SLC44A5: variants seen among roughly 807,000 people sequenced by gnomAD.
SLC44A5 encodes the protein solute carrier family 44 member 5.
In SLC44A5, 57 loss-of-function variants were observed where a neutral mutation model predicts 101.8. That is an observed-to-expected ratio of 0.56 (90% CI 0.45 to 0.70). SLC44A5 has a LOEUF of 0.70. SLC44A5 is among the 30% of genes least tolerant of loss of function. SLC44A5 has a pLI of 0.00. For synonymous variants in SLC44A5, 281 were observed against 290.9 expected (o/e 0.97, Z 0.35); for missense variants, 737 against 853.1 (o/e 0.86, Z 1.70).
chr1:75,476,614 C>T (rs932273555), intron 2 of SLC44A5, among the ~76,000 whole-genome samples: 20 of 152,360 alleles, frequency 1.3e-4, no homozygotes, highest in African/African-American at 4.1e-4. Context: ...ACACCTGGCT[C>T]GGAGGGTCCT....
At chr1:75,475,017 T>G (rs555304083) in intron 2 of SLC44A5, among the ~76,000 whole-genome samples, 1 of 152,242 alleles carries the variant, frequency 6.6e-6, no homozygotes, top group Non-Finnish European at 1.5e-5. Context: ...AAAATCGTTG[T>G]GTGTCGCCCC....
intron 5 of SLC44A5, among the ~76,000 whole-genome samples, chr1:75,275,572 T>C (rs1448317060): frequency 6.6e-6 from 1 of 152,158 alleles, no homozygotes; most frequent in Non-Finnish European, 1.5e-5. Flanking sequence ...AGAGGCAATA[T>C]GTAATAAAGA....
intron 3 of SLC44A5, among the ~76,000 whole-genome samples, chr1:75,353,797 T>A (rs1658865120): frequency 6.6e-6 from 1 of 152,226 alleles, no homozygotes; most frequent in Admixed American, 6.5e-5. Context: ...GCAGGATTAA[T>A]ATGTACACTT....
intron 2 of SLC44A5, among the ~76,000 whole-genome samples, chr1:75,495,168 A>G (rs933297533): frequency 1.3e-5 from 2 of 152,150 alleles, no homozygotes; most frequent in Non-Finnish European, 2.9e-5. Flanking sequence ...AAAAATAACC[A>G]TCATAGGCCA....
chr1:75,358,091 A>G (rs1659216299), intron 3 of SLC44A5, among the ~76,000 whole-genome samples: 1 of 152,116 alleles, frequency 6.6e-6, no homozygotes, highest in Non-Finnish European at 1.5e-5. Flanking sequence ...TACATTAGCT[A>G]CTTTATTTCC....
chr1:75,314,648 T>A (rs1270983282), intron 4 of SLC44A5, among the ~76,000 whole-genome samples: 1 of 152,150 alleles, frequency 6.6e-6, no homozygotes, highest in African/African-American at 2.4e-5. Flanking sequence ...TGCAAGTATT[T>A]AGAATGGTAA....
At chr1:75,463,099 A>G (rs1024111389) in intron 2 of SLC44A5, among the ~76,000 whole-genome samples, 2 of 152,176 alleles carry the variant, frequency 1.3e-5, no homozygotes, top group Admixed American at 1.3e-4. Flanking sequence ...GCATTTAACA[A>G]TCAAATTCCC....
At chr1:75,412,073 T>A (rs1180597350) in intron 2 of SLC44A5, among the ~76,000 whole-genome samples, 4 of 152,176 alleles carry the variant, frequency 2.6e-5, no homozygotes. Context: ...CAGTAGAATT[T>A]GATGAGGAAA....
chr1:75,532,861 A>G (rs1041678506), intron 2 of SLC44A5, among the ~76,000 whole-genome samples: 1 of 152,180 alleles, frequency 6.6e-6, no homozygotes, highest in East Asian at 1.9e-4. Context: ...GCAACATAGC[A>G]AAAACCCATC....
At chr1:75,258,192 C>T (rs551631074) in intron 6 of SLC44A5, among the ~76,000 whole-genome samples, 8 of 152,152 alleles carry the variant, frequency 5.3e-5, no homozygotes, top group Non-Finnish European at 1.0e-4. Context: ...TGAGACAGAA[C>T]TGTTCACTCC....
At chr1:75,675,252 T>C in the SLC44A5 span, among the ~76,000 whole-genome samples, 1 of 152,216 alleles carries the variant, frequency 6.6e-6, no homozygotes, top group Non-Finnish European at 1.5e-5. Flanking sequence ...GAGTATGGAA[T>C]GTTTTTTCAT....
chr1:75,411,583 A>G lies in SLC44A5; in HGVS notation c.14-14962T>C, dbSNP rs575873123. On this transcript the variant is annotated intron_variant, in intron 2 of 23. Coordinates refer to ENST00000370859, the MANE Select transcript of SLC44A5 (RefSeq NM_001130058.2). ...CAGCCACAAAAGGGGAAATAGAGGGATTCTTTATTTCACAATTGTCAACCC... is the reference window on the plus strand; with the variant it reads ...CAGCCACAAAAGGGGAAATAGAGGGGTTCTTTATTTCACAATTGTCAACCC... 1.1e-4 allele frequency among the ~76,000 whole-genome samples: 16 copies of G among 152,148 alleles called. No individual in the cohort carries two copies. In the South Asian group the frequency reaches 3.1e-3, roughly 30 times the overall value.
chr1:75,703,522 G>A, the SLC44A5 span, among the ~76,000 whole-genome samples: 3 of 151,754 alleles, frequency 2.0e-5, no homozygotes, highest in Non-Finnish European at 2.9e-5. Context: ...GGGGTGGGGC[G>A]AGGGGGGAGG....
At chr1:75,262,312 A>C (rs761388434) in intron 6 of SLC44A5, among the ~76,000 whole-genome samples, 24 of 152,236 alleles carry the variant, frequency 1.6e-4, no homozygotes, top group Non-Finnish European at 3.4e-4. Flanking sequence ...ATCAATGTGC[A>C]AAAAGCACAA....
chr1:75,264,194 A>C (rs1650794748), intron 6 of SLC44A5, among the ~76,000 whole-genome samples: 1 of 150,492 alleles, frequency 6.6e-6, no homozygotes, highest in Non-Finnish European at 1.5e-5. Context: ...ACTGTACTGC[A>C]TCCTGTCCTA....
chr1:75,626,389 T>C, the SLC44A5 span, among the ~76,000 whole-genome samples: 4 of 152,106 alleles, frequency 2.6e-5, no homozygotes, highest in African/African-American at 7.2e-5. Context: ...TCTCTCCTGC[T>C]AATATACCTG....
intron 2 of SLC44A5, among the ~76,000 whole-genome samples, chr1:75,429,757 C>T (rs535217760): frequency 3.3e-5 from 5 of 152,086 alleles, no homozygotes; most frequent in Admixed American, 2.6e-4. Context: ...CATGCCAGAT[C>T]TCGTGTGAAC....
At chr1:75,477,793 G>T (rs1193288745) in intron 2 of SLC44A5, among the ~76,000 whole-genome samples, 1 of 152,186 alleles carries the variant, frequency 6.6e-6, no homozygotes, top group Non-Finnish European at 1.5e-5. Flanking sequence ...ACCTGAAAGT[G>T]ACGGGGAGAA....
At chr1:75,448,941 T>C (rs1466929509) in intron 2 of SLC44A5, among the ~76,000 whole-genome samples, 2 of 152,092 alleles carry the variant, frequency 1.3e-5, no homozygotes, top group Non-Finnish European at 2.9e-5. Context: ...CCACTCCCAC[T>C]CAGTACTGCA....
Sources: allele counts gnomAD v4.1 joint callset (sites outside exome capture counted in the v4.1 genomes callset), GRCh38; gene constraint gnomAD v4.1.1; transcripts MANE v1.5; gene names NCBI Gene and HGNC (gene_info 2026-07-23, HGNC 2026-07-21).